The following TC2N variants were observed in gnomAD, a reference collection of about 807,000 sequenced individuals.
TC2N encodes the protein tandem C2 domains, nuclear.
TC2N carries 51 observed loss-of-function variants against 61.9 expected under a neutral mutation model. The observed-to-expected ratio is 0.82, with a 90% CI of 0.66 to 1.04. The LOEUF is 1.04. Ranked by LOEUF, TC2N falls within the 50% of genes least tolerant of loss-of-function variation. The pLI, the probability that TC2N is intolerant of heterozygous loss-of-function variation, is 0.00. For missense variants in TC2N, 556 were observed against 566.7 expected (o/e 0.98, Z 0.19); for synonymous variants, 204 against 192.6 (o/e 1.06, Z -0.49).
rs1374844821 is a variant in TC2N at position 91,781,318 on chromosome 14, C to T, written c.*1782G>A. The stretch of plus-strand genomic sequence containing the variant: ...GAAACTATACTATATTATAATGATG[C>T]ATACATATCATCATATATTTGTCCT... On this transcript the variant is annotated 3_prime_UTR_variant, in exon 12 of 12. Coordinates refer to ENST00000435962, the MANE Select transcript of TC2N (RefSeq NM_001128596.3). 1 of 152,036 alleles carries T rather than the reference C, an allele frequency of 6.6e-6. No homozygotes were observed. The highest frequency in any genetic ancestry group is 2.4e-5 in the African/African-American group (1 of 41,422). The allele number at this position is 152,036 out of a possible 1,614,324, so 9.4% of individuals were successfully genotyped here.
chr14:91,864,403 C>G (rs1473681144), intron 1 of TC2N, among the ~76,000 whole-genome samples: 3 of 152,118 alleles, frequency 2.0e-5, no homozygotes, highest in Admixed American at 2.0e-4. Context: ...GTTTTCAGAT[C>G]AGGGGATGTA....
At position 91,818,189 on chromosome 14, in the gene TC2N, A is replaced by G. The variant is rs569244670; in HGVS notation, c.-56-4364T>C. Among the ~76,000 whole-genome samples, 9 of 152,266 alleles carry G rather than the reference A, an allele frequency of 5.9e-5. No homozygotes were observed. The South Asian group carries it at 1.9e-3, about 32-fold the overall frequency. On this transcript the variant is annotated intron_variant, in intron 1 of 11. Coordinates refer to ENST00000435962, the MANE Select transcript of TC2N (RefSeq NM_001128596.3). The stretch of plus-strand genomic sequence containing the variant: ...GCAGCGAGAGTTTGCATAACAGACT[A>G]CTGTAGAATAAAGAGGTACATACAG...
intron 8 of TC2N, among the ~76,000 whole-genome samples, chr14:91,795,890 A>G (rs1191385906): frequency 6.6e-6 from 1 of 152,144 alleles, no homozygotes. Context: ...TAGAGTCTCA[A>G]GTCATAGAAT....
At chr14:91,787,462 C>G (rs545221068) in intron 10 of TC2N, 51 bp downstream of exon 10, 4 of 1,047,682 alleles carry the variant, frequency 3.8e-6, no homozygotes, top group Non-Finnish European at 5.6e-6. Flanking sequence ...AAAATACTTT[C>G]TATTACTAAT....
At chr14:91,818,832 G>T (rs1035717983) in intron 1 of TC2N, among the ~76,000 whole-genome samples, 1 of 152,080 alleles carries the variant, frequency 6.6e-6, no homozygotes, top group Non-Finnish European at 1.5e-5. Flanking sequence ...TAACTAAAAT[G>T]AGACACAGAG....
intron 1 of TC2N, among the ~76,000 whole-genome samples, chr14:91,850,049 CAAAA>C (rs34245812): frequency 2.5e-4 from 30 of 118,166 alleles, no homozygotes; most frequent in East Asian, 7.3e-4. Flanking sequence ...AACTCCATCT[CAAAA>C]AAAAAAAAAA....
At chr14:91,785,652 T>A (rs1388839644) in intron 10 of TC2N, among the ~76,000 whole-genome samples, 2 of 151,970 alleles carry the variant, frequency 1.3e-5, no homozygotes, top group African/African-American at 2.4e-5. Context: ...AGTAAAAGAG[T>A]GCACACTGAA....
At chr14:91,864,573 G>C (rs974020608) in intron 1 of TC2N, among the ~76,000 whole-genome samples, 1 of 152,086 alleles carries the variant, frequency 6.6e-6, no homozygotes, top group Non-Finnish European at 1.5e-5. Flanking sequence ...ATTCTGAGTA[G>C]AAGGTTGGAA....
intron 1 of TC2N, among the ~76,000 whole-genome samples, chr14:91,831,804 A>C (rs116843042): frequency 1.6e-3 from 245 of 152,306 alleles, no homozygotes; most frequent in Non-Finnish European, 2.9e-3. Flanking sequence ...AAAATTGAGA[A>C]GGTACAGAGA....
At chr14:91,852,195 A>G (rs1888389146) in intron 1 of TC2N, among the ~76,000 whole-genome samples, 2 of 152,236 alleles carry the variant, frequency 1.3e-5, no homozygotes, top group Non-Finnish European at 2.9e-5. Context: ...TGGGAGGCCG[A>G]GGCGGGCAGA....
intron 8 of TC2N, among the ~76,000 whole-genome samples, chr14:91,796,459 G>T (rs1885901087): frequency 6.6e-6 from 1 of 151,990 alleles, no homozygotes; most frequent in African/African-American, 2.4e-5. Flanking sequence ...AAAAAGATAT[G>T]TTGAAGTCCT....
Position 91,787,574 on chromosome 14 carries a change from T to C in TC2N, c.1101A>G (p.Arg367=). 6.2e-7 allele frequency: 1 copy of C among 1,612,848 alleles called. No homozygotes were observed. Among genetic ancestry groups the C allele is most frequent in the Non-Finnish European group, 8.5e-7 (1 of 1,179,444 alleles). The part of the protein sequence containing the change: ...LGTCFQAVNS[R]IQLQILEARY... The stretch of plus-strand genomic sequence containing the variant: ...GTGCCTCAAGAATTTGTAACTGAAT[T>C]CTGCTATTTACTGCTTGAAAACAAG... Residue 367 remains arginine (R), a synonymous_variant, in exon 10 of 12, where the codon AGA becomes AGG. Transcript: ENST00000435962.
At chr14:91,836,806 A>G (rs752113213) in intron 1 of TC2N, among the ~76,000 whole-genome samples, 14 of 152,078 alleles carry the variant, frequency 9.2e-5, no homozygotes, top group Non-Finnish European at 5.9e-5. Flanking sequence ...AAGAAGGGAG[A>G]CAAGCGGTAG....
Position 91,802,390 on chromosome 14 carries a change from CT to C in TC2N, c.332del (p.Lys111ArgfsTer2). On this transcript the variant is annotated frameshift_variant, in exon 4 of 12. Transcript: ENST00000435962. LOFTEE classifies it high-confidence loss of function. ...GSARASFGDR[K>X]VELSSSSQHG... is the part of the protein sequence containing the mutation. ...GCTGGGATGAACTGGAAAGTTCTAC[CT>C]TTCGATCTCCAAAAGATGCTCTGGC... 6.2e-7 allele frequency: 1 copy of C among 1,612,128 alleles called. No individual in the cohort carries two copies. Among genetic ancestry groups the C allele is most frequent in the Non-Finnish European group, 8.5e-7 (1 of 1,179,350 alleles).
intron 3 of TC2N, among the ~76,000 whole-genome samples, chr14:91,806,277 C>A (rs1186224893): frequency 6.6e-6 from 1 of 151,954 alleles, no homozygotes; most frequent in Non-Finnish European, 1.5e-5. Context: ...TAAACTGGTA[C>A]CAGGAGTGGG....
At chr14:91,812,184 GA>G in intron 3 of TC2N, 127 bp downstream of exon 3, 1 of 437,816 alleles carries the variant, frequency 2.3e-6, no homozygotes, top group East Asian at 3.8e-5. Flanking sequence ...TTCTTCTACA[GA>G]AAGAGCAAAA....
chr14:91,786,848 A>G (rs1449811425), intron 10 of TC2N, among the ~76,000 whole-genome samples: 2 of 152,122 alleles, frequency 1.3e-5, no homozygotes, highest in African/African-American at 4.8e-5. Context: ...GGTTGTCTCC[A>G]TATCTGTCAC....
At position 91,822,549 on chromosome 14, in the gene TC2N, T is replaced by C. The variant is rs1036329470; in HGVS notation, c.-56-8724A>G. 3.9e-5 allele frequency among the ~76,000 whole-genome samples: 6 copies of C among 152,222 alleles called. 1 individual carries two copies. On this transcript the variant is annotated intron_variant, in intron 1 of 11. Transcript: ENST00000435962. ...CTGAACTCCACTGCATGATTCAATT[T>C]ATATAAAATTGTAGAAAATGGAAAT...
intron 1 of TC2N, among the ~76,000 whole-genome samples, chr14:91,846,755 A>G (rs1888277752): frequency 6.6e-6 from 1 of 152,232 alleles, no homozygotes; most frequent in African/African-American, 2.4e-5. Flanking sequence ...AAACCTTTGT[A>G]TTAAATTACT....
Sources: allele counts gnomAD v4.1 joint callset (sites outside exome capture counted in the v4.1 genomes callset), GRCh38; gene constraint gnomAD v4.1.1; transcripts MANE v1.5; gene names NCBI Gene and HGNC (gene_info 2026-07-23, HGNC 2026-07-21).